The following POU6F2 variants were observed in gnomAD, a reference collection of about 807,000 sequenced individuals.
POU6F2 encodes POU class 6 homeobox 2.
Under a neutral mutation model 71.3 loss-of-function variants are expected in POU6F2, and 31 were observed. The ratio of observed to expected loss-of-function variants is 0.43; its 90% CI spans 0.33 to 0.59. The LOEUF is 0.59. POU6F2 is among the 20% of genes least tolerant of loss of function. The pLI is 0.04. For missense variants in POU6F2, 783 were observed against 856.8 expected (o/e 0.91, Z 1.07); for synonymous variants, 347 against 355.7 (o/e 0.98, Z 0.27).
intron 1 of POU6F2, among the ~76,000 whole-genome samples, chr7:39,026,818 A>G (rs1789815934): frequency 6.6e-6 from 1 of 152,228 alleles, no homozygotes; most frequent in African/African-American, 2.4e-5. Flanking sequence ...AAAAATATTG[A>G]TAGTCCCAGA....
At chr7:39,188,314 T>C (rs1286831516) in intron 2 of POU6F2, among the ~76,000 whole-genome samples, 1 of 152,074 alleles carries the variant, frequency 6.6e-6, no homozygotes, top group Admixed American at 6.5e-5. Flanking sequence ...TCAGAATCTT[T>C]TTTTAAAATT....
chr7:39,016,887 C>T (rs985479443), intron 1 of POU6F2, among the ~76,000 whole-genome samples: 8 of 152,140 alleles, frequency 5.3e-5, no homozygotes, highest in African/African-American at 1.9e-4. Context: ...TGGCAGAGCA[C>T]AGAGAGCAAG....
At chr7:39,056,332 T>C (rs1453393236) in intron 1 of POU6F2, among the ~76,000 whole-genome samples, 1 of 152,130 alleles carries the variant, frequency 6.6e-6, no homozygotes, top group East Asian at 1.9e-4. Flanking sequence ...TCTTACTATC[T>C]TCCATGAGCT....
chr7:39,388,956 A>T (rs188394071), intron 5 of POU6F2, among the ~76,000 whole-genome samples: 22 of 152,160 alleles, frequency 1.4e-4, no homozygotes, highest in African/African-American at 5.1e-4. Flanking sequence ...ATGGAATGCA[A>T]TTTTTTCTAC....
chr7:39,259,981 A>G (rs1784100071), intron 4 of POU6F2, among the ~76,000 whole-genome samples: 1 of 129,398 alleles, frequency 7.7e-6, no homozygotes, highest in African/African-American at 3.0e-5. Flanking sequence ...ATACACACAC[A>G]CAGTCACCAC....
chr7:39,015,213 A>C (rs1327661788), intron 1 of POU6F2, among the ~76,000 whole-genome samples: 2 of 146,000 alleles, frequency 1.4e-5, no homozygotes, highest in Non-Finnish European at 3.0e-5. Flanking sequence ...TGTAGGTCTG[A>C]TTTTATGTAT....
chr7:39,283,965 T>G (rs1784609377), intron 4 of POU6F2, among the ~76,000 whole-genome samples: 1 of 152,222 alleles, frequency 6.6e-6, no homozygotes, highest in Non-Finnish European at 1.5e-5. Context: ...ACCATTTAAG[T>G]GATTTGCTTA....
chr7:39,159,882 G>A (rs970093160), intron 2 of POU6F2, among the ~76,000 whole-genome samples: 9 of 152,268 alleles, frequency 5.9e-5, no homozygotes, highest in African/African-American at 1.2e-4. Flanking sequence ...ACCTAAACCC[G>A]TCAGAAAGGA....
intron 1 of POU6F2, among the ~76,000 whole-genome samples, chr7:39,077,789 C>A (rs1438640735): frequency 6.6e-6 from 1 of 152,110 alleles, no homozygotes; most frequent in East Asian, 1.9e-4. Context: ...TTCACCTTAA[C>A]CAAATATTCC....
chr7:39,023,582 G>C (rs893730236), intron 1 of POU6F2, among the ~76,000 whole-genome samples: 1 of 152,062 alleles, frequency 6.6e-6, no homozygotes, highest in African/African-American at 2.4e-5. Context: ...TGTCAACAGA[G>C]TCATGGTTGA....
intron 4 of POU6F2, among the ~76,000 whole-genome samples, chr7:39,314,192 A>G (rs907275480): frequency 2.0e-5 from 3 of 151,916 alleles, no homozygotes; most frequent in Non-Finnish European, 4.4e-5. Context: ...GAATCACAAC[A>G]CTCCCGGCGT....
chr7:39,298,553 G>A (rs1446875745), intron 4 of POU6F2, among the ~76,000 whole-genome samples: 1 of 152,174 alleles, frequency 6.6e-6, no homozygotes, highest in African/African-American at 2.4e-5. Context: ...TTACACCGTT[G>A]GTGGGAATGT....
At chr7:39,005,580 T>A (rs1789041834) in intron 1 of POU6F2, among the ~76,000 whole-genome samples, 1 of 150,558 alleles carries the variant, frequency 6.6e-6, no homozygotes, top group Non-Finnish European at 1.5e-5. Context: ...GTAGGTTGGG[T>A]TGATAGCCGC....
chr7:39,323,454 C>A (rs1211160418), intron 4 of POU6F2, among the ~76,000 whole-genome samples: 2 of 152,154 alleles, frequency 1.3e-5, no homozygotes, highest in East Asian at 3.9e-4. Context: ...AGCCCTGTTT[C>A]TATGTGTGGA....
chr7:39,243,751 T>C (rs1030256378), intron 4 of POU6F2, among the ~76,000 whole-genome samples: 1 of 151,976 alleles, frequency 6.6e-6, no homozygotes, highest in African/African-American at 2.4e-5. Flanking sequence ...AACCCAGCTC[T>C]GTTAGGATAG....
rs141610354 is a variant in POU6F2 at position 39,427,995 on chromosome 7, A to G, written c.1114-5082A>G. On this transcript the variant is annotated intron_variant, in intron 6 of 9. Coordinates refer to ENST00000518318, the MANE Select transcript of POU6F2 (RefSeq NM_001370959.1). The stretch of plus-strand genomic sequence containing the variant: ...TGATTCATCTCTATTGACTACCTCA[A>G]CTAGACTGAGGCACTTGAGGGCAAT... Among the ~76,000 whole-genome samples, 548 of 152,300 alleles carry G rather than the reference A, an allele frequency of 3.6e-3. 4 individuals carry two copies. The highest frequency in any genetic ancestry group is 5.2e-3 in the Admixed American group (80 of 15,306).
At chr7:39,095,076 C>G (rs1215077984) in intron 2 of POU6F2, among the ~76,000 whole-genome samples, 1 of 152,166 alleles carries the variant, frequency 6.6e-6, no homozygotes, top group Admixed American at 6.6e-5. Flanking sequence ...AATCCATACA[C>G]TATTCTATAA....
At chr7:39,252,560 C>T (rs951220881) in intron 4 of POU6F2, among the ~76,000 whole-genome samples, 6 of 152,168 alleles carry the variant, frequency 3.9e-5, no homozygotes, top group African/African-American at 2.4e-5. Context: ...TGAGGGTTCA[C>T]GCAACTTTCT....
chr7:39,102,664 A>G (rs745785798), intron 2 of POU6F2, among the ~76,000 whole-genome samples: 5 of 152,196 alleles, frequency 3.3e-5, no homozygotes, highest in African/African-American at 4.8e-5. Context: ...ATGTGCATAT[A>G]TATACACACA....
Sources: allele counts gnomAD v4.1 joint callset (sites outside exome capture counted in the v4.1 genomes callset), GRCh38; gene constraint gnomAD v4.1.1; transcripts MANE v1.5; gene names NCBI Gene and HGNC (gene_info 2026-07-23, HGNC 2026-07-21).